XKR9: variants seen among roughly 807,000 people sequenced by gnomAD.
XKR9 encodes the protein XK related 9, also known as XK-related protein 9.
A neutral mutation model predicts 32.0 loss-of-function variants in XKR9; 32 were observed. The ratio of observed to expected loss-of-function variants is 1.00; its 90% confidence interval spans 0.76 to 1.34. The LOEUF (loss-of-function observed/expected upper bound fraction) is 1.34. XKR9 is among the 40% of genes most tolerant of loss of function. The pLI is 0.00. For synonymous variants in XKR9, 168 were observed against 143.4 expected (o/e 1.17, Z -1.22); for missense variants, 546 against 429.7 (o/e 1.27, Z -2.39).
At chr8:70,902,532 A>G in the XKR9 span, among the ~76,000 whole-genome samples, 2 of 152,198 alleles carry the variant, frequency 1.3e-5, no homozygotes, top group African/African-American at 4.8e-5. Context: ...GAAGTTGCTT[A>G]TCAGCTTAAG....
At chr8:71,050,266 GATAGATAGAT>G in the XKR9 span, among the ~76,000 whole-genome samples, 201 of 98,526 alleles carry the variant, frequency 2.0e-3, 3 homozygotes, top group East Asian at 0.03. Context: ...TATATAGATA[GATAGATAGAT>G]ATAGATATAG....
chr8:70,948,224 G>C, the XKR9 span, among the ~76,000 whole-genome samples: 1 of 152,018 alleles, frequency 6.6e-6, no homozygotes, highest in African/African-American at 2.4e-5. Context: ...GGCATCATTC[G>C]TGCCAGTGAA....
At chr8:70,740,287 C>T (rs1205153354), downstream of XKR9, among the ~76,000 whole-genome samples, 1 of 152,186 alleles carries the variant, frequency 6.6e-6, no homozygotes, top group East Asian at 1.9e-4. Context: ...GCATTCTTCA[C>T]GTAGTTCTCG....
chr8:70,673,365 T>C (rs1049079043), intron 1 of XKR9, among the ~76,000 whole-genome samples: 3 of 152,192 alleles, frequency 2.0e-5, no homozygotes, highest in African/African-American at 7.2e-5. Flanking sequence ...CCAAATGATT[T>C]AAAAGTAAGG....
intron 4 of XKR9, among the ~76,000 whole-genome samples, chr8:70,714,597 A>G (rs1806029108): frequency 6.6e-6 from 1 of 152,154 alleles, no homozygotes; most frequent in African/African-American, 2.4e-5. Flanking sequence ...TATTGATAAA[A>G]TATGCATTTT....
chr8:70,947,837 T>C, the XKR9 span, among the ~76,000 whole-genome samples: 1 of 152,362 alleles, frequency 6.6e-6, no homozygotes, highest in East Asian at 1.9e-4. Context: ...AACTGTAAGG[T>C]ATTTGATTCT....
At chr8:70,980,140 G>A in the XKR9 span, among the ~76,000 whole-genome samples, 1 of 152,248 alleles carries the variant, frequency 6.6e-6, no homozygotes, top group Admixed American at 6.5e-5. Flanking sequence ...AGGTGGAAGT[G>A]TCCTGATTTT....
chr8:70,826,883 AAAAT>A, the XKR9 span, among the ~76,000 whole-genome samples: 4 of 152,190 alleles, frequency 2.6e-5, no homozygotes, highest in Non-Finnish European at 5.9e-5. Flanking sequence ...TTTAAAAAGA[AAAAT>A]AACTCCTTGA....
rs1048533788 is a variant in XKR9, at chr8:70,733,873, C to T, written c.571C>T (p.Pro191Ser). ...DYQVALRKSL[P>S]DKKLLNGLCP... ...TCAAGTAGCTTTAAGAAAATCCTTG[C>T]CTGACAAAAAGCTTCTTAATGGATT... is the stretch of plus-strand genomic sequence containing the variant. Residue 191 changes from proline to serine, a missense_variant, in exon 5 of 5, where the codon CCT (proline) becomes TCT (serine). Physicochemically the swap from Pro to Ser is moderately conservative, Grantham distance 74. Transcript: ENST00000408926. The T allele has an allele frequency of 1.2e-6, 2 of 1,609,958 alleles. No individual in the cohort carries two copies. The highest frequency in any genetic ancestry group is 1.7e-6 in the Non-Finnish European group (2 of 1,178,980).
At chr8:70,935,612 T>A in the XKR9 span, among the ~76,000 whole-genome samples, 1 of 151,944 alleles carries the variant, frequency 6.6e-6, no homozygotes, top group Non-Finnish European at 1.5e-5. Context: ...CAATTAAGAG[T>A]TGGATGAATT....
At chr8:70,692,430 C>T (rs1805108799) in intron 3 of XKR9, among the ~76,000 whole-genome samples, 1 of 151,738 alleles carries the variant, frequency 6.6e-6, no homozygotes, top group Non-Finnish European at 1.5e-5. Context: ...TGACTCATGG[C>T]TCTGGCTAGG....
At chr8:70,848,708 C>G in the XKR9 span, among the ~76,000 whole-genome samples, 1 of 143,864 alleles carries the variant, frequency 7.0e-6, no homozygotes, top group South Asian at 2.2e-4. Context: ...CATGCAAAGA[C>G]ACATGTAGGC....
At chr8:70,773,595 G>T (rs1227325032) in intron 2 of XKR9, among the ~76,000 whole-genome samples, 7 of 152,116 alleles carry the variant, frequency 4.6e-5, no homozygotes, top group African/African-American at 1.7e-4. Context: ...GTATGGATCA[G>T]ACTTTGGGAA....
At chr8:70,814,925 T>G in the XKR9 span, among the ~76,000 whole-genome samples, 1 of 152,190 alleles carries the variant, frequency 6.6e-6, no homozygotes, top group Non-Finnish European at 1.5e-5. Flanking sequence ...TGTTCCAAAG[T>G]CAGTAGCATT....
chr8:70,935,101 GTATATA>G, the XKR9 span, among the ~76,000 whole-genome samples: 2 of 139,014 alleles, frequency 1.4e-5, no homozygotes. Flanking sequence ...TGTTTCTTCA[GTATATA>G]TATATATATA....
chr8:70,942,037 G>A, the XKR9 span, among the ~76,000 whole-genome samples: 1 of 152,046 alleles, frequency 6.6e-6, no homozygotes, highest in South Asian at 2.1e-4. Context: ...CTATATACCT[G>A]ATGCTCTCAA....
At chr8:70,998,588 AT>A in the XKR9 span, among the ~76,000 whole-genome samples, 2 of 152,226 alleles carry the variant, frequency 1.3e-5, no homozygotes, top group Admixed American at 1.3e-4. Context: ...GACAATATGA[AT>A]AACTTTGGGT....
At chr8:70,822,373 A>T in the XKR9 span, among the ~76,000 whole-genome samples, 2 of 152,030 alleles carry the variant, frequency 1.3e-5, no homozygotes, top group South Asian at 2.1e-4. Context: ...GACCTTGTCG[A>T]AATAATTTCA....
At chr8:70,811,117 G>C in the XKR9 span, among the ~76,000 whole-genome samples, 1 of 152,164 alleles carries the variant, frequency 6.6e-6, no homozygotes, top group South Asian at 2.1e-4. Context: ...AATCAAACTA[G>C]AACTCAGGAT....
Sources: allele counts gnomAD v4.1 joint callset (sites outside exome capture counted in the v4.1 genomes callset), GRCh38; gene constraint gnomAD v4.1.1; transcripts MANE v1.5; gene names NCBI Gene and HGNC (gene_info 2026-07-23, HGNC 2026-07-21).